Variants in RNF212B observed in about 807,000 individuals in gnomAD.
RNF212B encodes E3 ubiquitin-protein ligase RNF212B.
A neutral mutation model predicts 55.5 loss-of-function variants in RNF212B; 52 were observed. That is an observed-to-expected ratio of 0.94 (90% CI 0.75 to 1.18). The LOEUF is 1.18. RNF212B is among the 50% of genes most tolerant of loss of function. RNF212B has a pLI of 0.00. For missense variants in RNF212B, 289 were observed against 350.4 expected (o/e 0.82, Z 1.40); for synonymous variants, 99 against 121.4 (o/e 0.82, Z 1.21).
intron 2 of RNF212B, among the ~76,000 whole-genome samples, chr14:23,196,121 T>C (rs1878640234): frequency 6.6e-6 from 1 of 152,188 alleles, no homozygotes; most frequent in African/African-American, 2.4e-5. Context: ...AACTTCCTTA[T>C]GAACGGGAGC....
In RNF212B at chr14:23,264,176, G is replaced by T. The variant is rs1047442622; in HGVS notation, c.527G>T (p.Arg176Leu). 1 of 1,548,288 alleles carries T rather than the reference G, an allele frequency of 6.5e-7. No individual in the cohort carries two copies. The highest frequency in any genetic ancestry group is 2.4e-5 in the East Asian group (1 of 40,896). ...SFQHSSQVVS[R>L]SSSAESIPYR... ...TCTTTTTGTTTCACCTTATACAGTC[G>T]GTCCTCCTCAGCGGAATCTATTCCT... is the stretch of plus-strand genomic sequence containing the variant. The change falls in exon 10 of 15, where the codon CGG becomes CTG. Residue 176 changes from arginine (R) to leucine (L), a missense_variant and splice_region_variant. By Grantham distance (102) the Arg-to-Leu change is moderately radical (BLOSUM62 -2). Coordinates refer to ENST00000430154, the MANE Select transcript of RNF212B (RefSeq NM_001282322.3).
At chr14:23,219,252 C>T (rs1277994169) in intron 2 of RNF212B, among the ~76,000 whole-genome samples, 1 of 152,136 alleles carries the variant, frequency 6.6e-6, no homozygotes, top group South Asian at 2.1e-4. Flanking sequence ...TCGGAAGGTA[C>T]GAAACTCACT....
At chr14:23,227,722 C>T (rs1425964021) in intron 2 of RNF212B, among the ~76,000 whole-genome samples, 1 of 152,016 alleles carries the variant, frequency 6.6e-6, no homozygotes, top group African/African-American at 2.4e-5. Context: ...ACCTCAACCT[C>T]CTTAGTAGCT....
At chr14:23,236,379 A>G (rs1160506308), upstream of RNF212B, among the ~76,000 whole-genome samples, 1 of 152,012 alleles carries the variant, frequency 6.6e-6, no homozygotes, top group Non-Finnish European at 1.5e-5. Context: ...GCTGGGCGTA[A>G]TGGCAGGCGC....
At chr14:23,254,374 C>T (rs1257010638) in intron 4 of RNF212B, among the ~76,000 whole-genome samples, 1 of 151,932 alleles carries the variant, frequency 6.6e-6, no homozygotes, top group Non-Finnish European at 1.5e-5. Context: ...GTGGCTCACT[C>T]CTATAATCCC....
intron 11 of RNF212B, among the ~76,000 whole-genome samples, chr14:23,266,412 T>TTTTTTTTTTTTTTTTTTTTTTTTTTG (rs1885702042): frequency 1.5e-5 from 2 of 135,702 alleles, no homozygotes; most frequent in African/African-American, 5.7e-5. Flanking sequence ...ATGTTTTTTT[T>TTTTTTTTTTTTTTTTTTTTTTTTTTG]TTTTTTTTTT....
At chr14:23,248,662 G>A (rs553023065) in intron 4 of RNF212B, among the ~76,000 whole-genome samples, 3 of 149,514 alleles carry the variant, frequency 2.0e-5, no homozygotes, top group African/African-American at 7.4e-5. Flanking sequence ...GGCTAGTCTC[G>A]AATTCCTGAC....
chr14:23,243,874 C>T (rs113212464), intron 3 of RNF212B, among the ~76,000 whole-genome samples: 9 of 151,832 alleles, frequency 5.9e-5, no homozygotes, highest in African/African-American at 1.7e-4. Flanking sequence ...GTCAGGAGTT[C>T]GAGACCAGCC....
At chr14:23,214,234 CTGTAA>C (rs1259355380) in intron 2 of RNF212B, among the ~76,000 whole-genome samples, 1 of 152,168 alleles carries the variant, frequency 6.6e-6, no homozygotes, top group Non-Finnish European at 1.5e-5. Flanking sequence ...CGGCTCAAGC[CTGTAA>C]TCCCAGCATT....
chr14:23,187,267 G>T (rs1182285789), intron 1 of RNF212B, among the ~76,000 whole-genome samples: 1 of 152,156 alleles, frequency 6.6e-6, no homozygotes, highest in African/African-American at 2.4e-5. Flanking sequence ...GGACAGAAAA[G>T]GTTATGGCTT....
At chr14:23,230,434 C>G (rs1386243152) in intron 2 of RNF212B, among the ~76,000 whole-genome samples, 3 of 151,932 alleles carry the variant, frequency 2.0e-5, no homozygotes, top group Admixed American at 6.6e-5. Flanking sequence ...GCGGGTGGAT[C>G]ACGAGGTCAA....
chr14:23,210,079 A>G (rs1880330919), intron 2 of RNF212B, among the ~76,000 whole-genome samples: 1 of 152,190 alleles, frequency 6.6e-6, no homozygotes, highest in African/African-American at 2.4e-5. Context: ...TGAACCTGGA[A>G]GGTGGAGGTT....
intron 6 of RNF212B, 96 bp downstream of exon 6, chr14:23,260,040 C>T (rs1192932313): frequency 1.7e-6 from 1 of 589,240 alleles, no homozygotes; most frequent in African/African-American, 1.9e-5. Context: ...ATCTTTTTCT[C>T]ATCATGGCAC....
chr14:23,240,732 G>C (rs952711063), intron 2 of RNF212B, among the ~76,000 whole-genome samples: 3 of 152,168 alleles, frequency 2.0e-5, no homozygotes, highest in Non-Finnish European at 2.9e-5. Flanking sequence ...AGATTCTTCA[G>C]GGAAAAGAGA....
intron 2 of RNF212B, among the ~76,000 whole-genome samples, chr14:23,232,581 G>A (rs891195785): frequency 4.7e-5 from 7 of 149,928 alleles, no homozygotes; most frequent in South Asian, 2.1e-4. Flanking sequence ...CAGCCACCCC[G>A]TCCGGGAGGG....
intron 2 of RNF212B, among the ~76,000 whole-genome samples, chr14:23,215,521 AAC>A (rs1001576906): frequency 6.6e-6 from 1 of 152,102 alleles, no homozygotes. Context: ...CAAACAAACA[AAC>A]ACACACACAA....
At chr14:23,214,705 G>A (rs1247389836) in intron 2 of RNF212B, among the ~76,000 whole-genome samples, 4 of 151,490 alleles carry the variant, frequency 2.6e-5, no homozygotes, top group South Asian at 2.1e-4. Flanking sequence ...GAGAGAAAAC[G>A]GGCATAACTA....
At chr14:23,224,016 G>C (rs1472108826) in intron 2 of RNF212B, among the ~76,000 whole-genome samples, 1 of 151,890 alleles carries the variant, frequency 6.6e-6, no homozygotes, top group Non-Finnish European at 1.5e-5. Context: ...TAATTACCGA[G>C]GAATTAACCA....
intron 2 of RNF212B, among the ~76,000 whole-genome samples, chr14:23,207,142 C>A (rs1879924409): frequency 6.6e-6 from 1 of 152,262 alleles, no homozygotes; most frequent in South Asian, 2.1e-4. Context: ...CAGCCAACAA[C>A]AAGAGTTAAG....
Sources: allele counts gnomAD v4.1 joint callset (sites outside exome capture counted in the v4.1 genomes callset), GRCh38; gene constraint gnomAD v4.1.1; transcripts MANE v1.5; gene names NCBI Gene and HGNC (gene_info 2026-07-23, HGNC 2026-07-21).